Variants in ADGRL3 observed in about 807,000 individuals in gnomAD.
ADGRL3 encodes the protein adhesion G protein-coupled receptor L3, also known as calcium-independent alpha-latrotoxin receptor 3.
A neutral mutation model predicts 153.5 loss-of-function variants in ADGRL3; 62 were observed. The ratio of observed to expected loss-of-function variants is 0.40; its 90% confidence interval spans 0.33 to 0.50. ADGRL3 has a LOEUF of 0.50. Ranked by LOEUF, ADGRL3 falls within the 20% of genes least tolerant of loss-of-function variation. The pLI is 0.47. For synonymous variants in ADGRL3, 710 were observed against 672.5 expected (o/e 1.06, Z -0.86); for missense variants, 1,641 against 1,859.4 (o/e 0.88, Z 2.16).
intron 2 of ADGRL3, among the ~76,000 whole-genome samples, chr4:61,445,503 T>C (rs1426957411): frequency 1.3e-5 from 2 of 152,188 alleles, no homozygotes; most frequent in Non-Finnish European, 2.9e-5. Context: ...AGGAGTGTCA[T>C]AGGCCTTGAG....
chr4:61,579,815 A>T (rs2149263873), intron 4 of ADGRL3, among the ~76,000 whole-genome samples: 1 of 152,216 alleles, frequency 6.6e-6, no homozygotes, highest in Non-Finnish European at 1.5e-5. Context: ...CATTTCAATT[A>T]TATGTATTCT....
intron 21 of ADGRL3, among the ~76,000 whole-genome samples, chr4:62,010,961 T>C (rs904758517): frequency 2.6e-5 from 4 of 152,198 alleles, no homozygotes; most frequent in African/African-American, 9.6e-5. Context: ...TCTTTAATGA[T>C]ATTTAGTTTC....
At chr4:61,217,663 T>A (rs1159488384) in intron 1 of ADGRL3, among the ~76,000 whole-genome samples, 1 of 152,200 alleles carries the variant, frequency 6.6e-6, no homozygotes, top group Non-Finnish European at 1.5e-5. Flanking sequence ...TGAGCAGGAA[T>A]AGGTAAGTTC....
At chr4:61,693,638 T>G (rs990321777) in intron 6 of ADGRL3, among the ~76,000 whole-genome samples, 6 of 152,186 alleles carry the variant, frequency 3.9e-5, no homozygotes, top group Non-Finnish European at 7.3e-5. Context: ...GAGGTATTGA[T>G]GTTTTGTGAT....
rs1173824166 is a variant in ADGRL3 at position 61,517,332 on chromosome 4, C to A, written c.73C>A (p.Arg25=). The change falls in exon 4 of 27, where the codon CGA becomes AGA. Residue 25 remains arginine, a synonymous_variant. Coordinates refer to ENST00000683033, the MANE Select transcript of ADGRL3 (RefSeq NM_001387552.1). ...PIIHGGKHSE[R]HPALAAPLRH... ...CCCCGCAGGTGGCAAGCACAGTGAA[C>A]GACATCCTGCCCTTGCTGCTCCATT... The A allele has an allele frequency of 1.4e-6, 1 of 703,340 alleles. No homozygotes were observed. Among genetic ancestry groups the A allele is most frequent in the East Asian group, 2.7e-5 (1 of 37,278 alleles). The allele number at this position is 703,340 out of a possible 1,614,324, so 43.6% of individuals were successfully genotyped here. A position where few individuals can be genotyped will look rare whatever the true frequency, so the allele number is the denominator to read the frequency against.
At chr4:61,479,409 TA>T (rs999618285) in intron 2 of ADGRL3, among the ~76,000 whole-genome samples, 9 of 152,182 alleles carry the variant, frequency 5.9e-5, no homozygotes, top group African/African-American at 1.9e-4. Context: ...TCCTATAGAG[TA>T]CCTTGGTGAA....
chr4:61,611,045 G>T (rs1230990725), intron 5 of ADGRL3, among the ~76,000 whole-genome samples: 1 of 152,064 alleles, frequency 6.6e-6, no homozygotes, highest in Non-Finnish European at 1.5e-5. Context: ...GATGTTAGAT[G>T]CTCTCAGAAA....
intron 8 of ADGRL3, among the ~76,000 whole-genome samples, chr4:61,813,176 C>T (rs1295518169): frequency 2.0e-5 from 3 of 151,970 alleles, no homozygotes; most frequent in Non-Finnish European, 4.4e-5. Flanking sequence ...GAGTGGATCA[C>T]GAGGTCAGGA....
At position 61,537,373 on chromosome 4, in the gene ADGRL3, G is replaced by C. The variant is rs78767197; in HGVS notation, c.259+19855G>C. ...TGTGTGCTTTGGTGATGTTCAGCTTGTGTTGTATCTTGCAAGTGTTAATTT... is the reference window on the plus strand; with the variant it reads ...TGTGTGCTTTGGTGATGTTCAGCTTCTGTTGTATCTTGCAAGTGTTAATTT... On this transcript the variant is annotated intron_variant, in intron 4 of 26. Transcript: ENST00000683033. 4.6e-3 allele frequency among the ~76,000 whole-genome samples: 692 copies of C among 152,068 alleles called. 7 individuals carry two copies. Among genetic ancestry groups the C allele is most frequent in the African/African-American group, 0.016 (660 of 41,514 alleles).
chr4:61,999,697 A>C (rs1047328885), intron 21 of ADGRL3, among the ~76,000 whole-genome samples: 9 of 152,160 alleles, frequency 5.9e-5, no homozygotes. Context: ...CCTGGCCCGT[A>C]GTAGACCCTC....
intron 8 of ADGRL3, among the ~76,000 whole-genome samples, chr4:61,743,251 C>T (rs1374435741): frequency 1.4e-5 from 2 of 140,298 alleles, no homozygotes; most frequent in South Asian, 2.4e-4. Context: ...ACCCAGGAGG[C>T]GGAGCTTGCA....
intron 21 of ADGRL3, 119 bp downstream of exon 21, chr4:61,998,384 G>A: frequency 2.1e-6 from 1 of 466,812 alleles, no homozygotes; most frequent in South Asian, 5.1e-5. Context: ...TATTGTCTTT[G>A]CTAAATAAGA....
rs532283157 is a variant in ADGRL3 at position 61,217,705 on chromosome 4, T to G, written c.-240+15940T>G. ...AATATTGAAATGAAGATTTCAGAGT[T>G]TAGCTTTGGAGATATGTATCTGTTT... On this transcript the variant is annotated intron_variant, in intron 1 of 26. Coordinates refer to ENST00000683033, the MANE Select transcript of ADGRL3 (RefSeq NM_001387552.1). 3.9e-5 allele frequency among the ~76,000 whole-genome samples: 6 copies of G among 152,306 alleles called. No homozygotes were observed. In the South Asian group the frequency reaches 1.2e-3, roughly 32 times the overall value.
chr4:61,349,760 A>G (rs766771686), intron 1 of ADGRL3, among the ~76,000 whole-genome samples: 1 of 152,104 alleles, frequency 6.6e-6, no homozygotes, highest in Non-Finnish European at 1.5e-5. Context: ...TTTCCATTAA[A>G]CTGCGGGGCC....
intron 17 of ADGRL3, among the ~76,000 whole-genome samples, chr4:61,968,314 A>G (rs963760244): frequency 1.3e-5 from 2 of 152,164 alleles, no homozygotes; most frequent in Admixed American, 6.6e-5. Flanking sequence ...CCTAAACTAC[A>G]CAGAACTTCA....
At chr4:61,820,378 G>T (rs1223055607) in intron 9 of ADGRL3, among the ~76,000 whole-genome samples, 1 of 152,080 alleles carries the variant, frequency 6.6e-6, no homozygotes, top group Non-Finnish European at 1.5e-5. Flanking sequence ...AATTCCAATA[G>T]TTTACTAGTG....
intron 17 of ADGRL3, among the ~76,000 whole-genome samples, chr4:61,975,926 G>A (rs1484139300): frequency 6.6e-6 from 1 of 152,104 alleles, no homozygotes; most frequent in Non-Finnish European, 1.5e-5. Flanking sequence ...ATAAGATCAG[G>A]AGCTGTTTTG....
chr4:61,850,022 T>A (rs1014122728), intron 9 of ADGRL3, among the ~76,000 whole-genome samples: 1 of 152,146 alleles, frequency 6.6e-6, no homozygotes, highest in South Asian at 2.1e-4. Flanking sequence ...AGAAATGTTA[T>A]TTTGCTAGTT....
intron 6 of ADGRL3, among the ~76,000 whole-genome samples, chr4:61,723,734 G>C (rs2151682824): frequency 6.6e-6 from 1 of 152,234 alleles, no homozygotes; most frequent in Non-Finnish European, 1.5e-5. Flanking sequence ...GGGTGGATCA[G>C]GTTTCTATTT....
Sources: allele counts gnomAD v4.1 joint callset (sites outside exome capture counted in the v4.1 genomes callset), GRCh38; gene constraint gnomAD v4.1.1; transcripts MANE v1.5; gene names NCBI Gene and HGNC (gene_info 2026-07-23, HGNC 2026-07-21).